Variants in CHST11 observed in about 807,000 individuals in gnomAD.
The protein encoded by CHST11 is carbohydrate sulfotransferase 11, also known as C4S-1.
Under a neutral mutation model 30.4 loss-of-function variants are expected in CHST11, and 9 were observed. The ratio of observed to expected loss-of-function variants is 0.30; its 90% CI spans 0.18 to 0.52. The LOEUF (loss-of-function observed/expected upper bound fraction) is 0.52, where lower values mean the gene tolerates loss of function less well. CHST11 is among the 20% of genes least tolerant of loss of function. The pLI is 0.97. For missense variants in CHST11, 348 were observed against 460.6 expected, an observed-to-expected ratio of 0.76 and a Z score of 2.24; for synonymous variants, 152 against 187.8, an observed-to-expected ratio of 0.81 and a Z score of 1.56.
intron 2 of CHST11, among the ~76,000 whole-genome samples, chr12:104,648,400 A>G (rs929285660): frequency 1.3e-5 from 2 of 152,184 alleles, no homozygotes; most frequent in East Asian, 3.8e-4. Flanking sequence ...ATTCCCTTTA[A>G]GCATTTTCAC....
chr12:104,571,569 A>G (rs1001094229), intron 1 of CHST11, among the ~76,000 whole-genome samples: 2 of 152,194 alleles, frequency 1.3e-5, no homozygotes, highest in Non-Finnish European at 2.9e-5. Context: ...GGACACTTTG[A>G]TCAGAGAGGG....
chr12:104,646,082 ATGG>A (rs2136078597), intron 2 of CHST11, among the ~76,000 whole-genome samples: 1 of 152,330 alleles, frequency 6.6e-6, no homozygotes, highest in South Asian at 2.1e-4. Context: ...TCCCTGGTGA[ATGG>A]ACCCAGGTAA....
chr12:104,460,648 A>G (rs2037398827), intron 1 of CHST11, among the ~76,000 whole-genome samples: 1 of 135,114 alleles, frequency 7.4e-6, no homozygotes, highest in South Asian at 2.6e-4. Flanking sequence ...TGGGCGACAG[A>G]GTGAAACTGT....
intron 1 of CHST11, among the ~76,000 whole-genome samples, chr12:104,470,317 T>C (rs1031607524): frequency 2.6e-5 from 4 of 152,170 alleles, no homozygotes; most frequent in African/African-American, 9.7e-5. Flanking sequence ...AAACTTAAAA[T>C]CATGGCAGAA....
intron 1 of CHST11, among the ~76,000 whole-genome samples, chr12:104,480,202 C>A (rs769738155): frequency 7.3e-5 from 11 of 150,802 alleles, no homozygotes; most frequent in African/African-American, 2.5e-4. Context: ...GTGTCCCCGC[C>A]CCCCCCTCCA....
intron 2 of CHST11, among the ~76,000 whole-genome samples, chr12:104,713,883 C>T (rs192305477): frequency 1.2e-4 from 18 of 152,286 alleles, no homozygotes; most frequent in Admixed American, 1.0e-3. Context: ...TAGAGAGATA[C>T]GTTCGTTGCA....
Position 104,457,142 on chromosome 12 carries a change from G to A in CHST11, c.-270G>A, listed in dbSNP as rs1484353417. The A allele has an allele frequency of 3.6e-6, 1 of 278,500 alleles. No homozygotes were observed. The highest frequency in any genetic ancestry group is 2.2e-5 in the African/African-American group (1 of 45,392). The allele number at this position is 278,500 out of a possible 1,614,324, so 17.3% of individuals were successfully genotyped here. On this transcript the variant is annotated 5_prime_UTR_variant, in exon 1 of 3. Coordinates refer to ENST00000303694, the MANE Select transcript of CHST11 (RefSeq NM_018413.6). Reference sequence around the variant, plus strand: ...GCGGCGGCCGCCGGCGGGATCGGAGGAGGCGGCGGAGCGGCGAGGAGGAGG... The same window carrying A: ...GCGGCGGCCGCCGGCGGGATCGGAGAAGGCGGCGGAGCGGCGAGGAGGAGG...
intron 2 of CHST11, among the ~76,000 whole-genome samples, chr12:104,682,277 A>G (rs1366255979): frequency 2.0e-5 from 3 of 152,228 alleles, no homozygotes; most frequent in Admixed American, 2.0e-4. Context: ...AAAGTGAGGG[A>G]ACAAGAGTAT....
rs192428156 is a variant in CHST11, at chr12:104,516,021, C to T, written c.118+58492C>T. On this transcript the variant is annotated intron_variant, in intron 1 of 2. Coordinates refer to ENST00000303694, the MANE Select transcript of CHST11 (RefSeq NM_018413.6). ...TTTATCTTCAGAACAATAGGAAACA[C>T]GAAGGGAGACCATGTAGTGCAGTGG... 6.0e-4 allele frequency among the ~76,000 whole-genome samples: 91 copies of T among 152,314 alleles called. 1 individual carries two copies. The highest frequency in any genetic ancestry group is 3.4e-3 in the Middle Eastern group (1 of 294).
chr12:104,591,349 G>C (rs2038856645), intron 1 of CHST11, among the ~76,000 whole-genome samples: 1 of 152,102 alleles, frequency 6.6e-6, no homozygotes, highest in African/African-American at 2.4e-5. Flanking sequence ...CAGGGTGGCA[G>C]CAGGGATACC....
intron 2 of CHST11, among the ~76,000 whole-genome samples, chr12:104,636,516 T>C (rs1825180120): frequency 6.6e-6 from 1 of 152,224 alleles, no homozygotes; most frequent in African/African-American, 2.4e-5. Context: ...TGGCACCTTT[T>C]GTGGCCTTCA....
intron 1 of CHST11, among the ~76,000 whole-genome samples, chr12:104,526,044 C>T (rs911796345): frequency 5.3e-5 from 8 of 152,028 alleles, no homozygotes; most frequent in East Asian, 1.9e-4. Flanking sequence ...TTTCGGCAGA[C>T]GACCCCACTT....
At chr12:104,756,553 G>GTGTGTA (rs1555250392) in intron 2 of CHST11, among the ~76,000 whole-genome samples, 7 of 151,664 alleles carry the variant, frequency 4.6e-5, no homozygotes, top group South Asian at 4.2e-4. Context: ...GTGTGTGTGT[G>GTGTGTA]TGTGTGTGTT....
intron 1 of CHST11, among the ~76,000 whole-genome samples, chr12:104,509,542 G>A (rs1163927034): frequency 6.6e-6 from 1 of 152,166 alleles, no homozygotes; most frequent in Non-Finnish European, 1.5e-5. Context: ...GAAGGATTTG[G>A]CATATAATAG....
At chr12:104,609,764 A>T (rs1030384432) in intron 2 of CHST11, among the ~76,000 whole-genome samples, 1 of 152,152 alleles carries the variant, frequency 6.6e-6, no homozygotes, top group East Asian at 1.9e-4. Flanking sequence ...AGTTGGTGTT[A>T]ATCAGTAGCC....
intron 1 of CHST11, among the ~76,000 whole-genome samples, chr12:104,558,056 C>T (rs934596326): frequency 6.6e-6 from 1 of 152,074 alleles, no homozygotes; most frequent in African/African-American, 2.4e-5. Flanking sequence ...TTTCCAGCCG[C>T]AGCAGCAGCT....
Position 104,685,634 on chromosome 12 carries a change from G to A in CHST11, c.205-71315G>A, listed in dbSNP as rs574391954. Among the ~76,000 whole-genome samples the A allele has an allele frequency of 1.6e-4, 24 of 152,286 alleles. No individual in the cohort carries two copies. In the South Asian group the frequency reaches 4.6e-3, roughly 29 times the overall value. On this transcript the variant is annotated intron_variant, in intron 2 of 2. Coordinates refer to ENST00000303694, the MANE Select transcript of CHST11 (RefSeq NM_018413.6). ...TGTAGGACTACTGTGAGGATTATAT[G>A]TTTAATGTATGTGGGGTGCTTGGCA...
chr12:104,756,262 G>A (rs1033878023), intron 2 of CHST11, among the ~76,000 whole-genome samples: 2 of 152,246 alleles, frequency 1.3e-5, no homozygotes, highest in African/African-American at 2.4e-5. Flanking sequence ...GACGCAGGTG[G>A]TGGCAGAGCA....
At chr12:104,682,758 TA>T (rs1425059411) in intron 2 of CHST11, among the ~76,000 whole-genome samples, 1 of 152,196 alleles carries the variant, frequency 6.6e-6, no homozygotes, top group African/African-American at 2.4e-5. Context: ...CATTGGGAAA[TA>T]AATTCTGCCC....
Sources: gnomAD v4.1 joint callset for allele counts (sites outside exome capture counted in the v4.1 genomes callset) on GRCh38, gnomAD v4.1.1 for gene constraint, MANE v1.5 for transcripts, NCBI Gene and HGNC (gene_info 2026-07-23, HGNC 2026-07-21) for gene names.